ARHGEF3: variants seen among roughly 807,000 people sequenced by gnomAD.
ARHGEF3 encodes Rho guanine nucleotide exchange factor 3, also known as 59.8 kDA protein.
A neutral mutation model predicts 63.2 loss-of-function variants in ARHGEF3; 28 were observed. That is an observed-to-expected ratio of 0.44 (90% CI 0.33 to 0.61). The LOEUF is 0.61. ARHGEF3 is among the 20% of genes least tolerant of loss of function. The probability of loss-of-function intolerance (pLI) is 0.03; values close to 1 mark genes in which losing one functional copy is unlikely to be tolerated. For synonymous variants in ARHGEF3, 266 were observed against 254.2 expected, an observed-to-expected ratio of 1.05 and a Z score of -0.44; for missense variants, 533 against 659.3, an observed-to-expected ratio of 0.81 and a Z score of 2.10.
At chr3:56,811,705 C>A (rs1287216470) in intron 4 of ARHGEF3, among the ~76,000 whole-genome samples, 1 of 152,122 alleles carries the variant, frequency 6.6e-6, no homozygotes, top group Non-Finnish European at 1.5e-5. Context: ...CATGTGCCCA[C>A]AATTCTGATT....
At chr3:56,980,537 T>C (rs1490701545) in intron 2 of ARHGEF3, among the ~76,000 whole-genome samples, 1 of 152,184 alleles carries the variant, frequency 6.6e-6, no homozygotes. Context: ...GTGGGAATAA[T>C]CACGTTATCT....
chr3:56,897,935 C>T (rs2041362416), intron 3 of ARHGEF3, among the ~76,000 whole-genome samples: 1 of 152,040 alleles, frequency 6.6e-6, no homozygotes, highest in Admixed American at 6.5e-5. Flanking sequence ...TGCTGGAGTG[C>T]AGTGGTGGCA....
intron 2 of ARHGEF3, among the ~76,000 whole-genome samples, chr3:56,961,988 C>T (rs910098516): frequency 7.2e-5 from 11 of 152,142 alleles, no homozygotes; most frequent in African/African-American, 2.4e-4. Flanking sequence ...GAGGTTGCAA[C>T]GAGCTATGAT....
intron 3 of ARHGEF3, among the ~76,000 whole-genome samples, chr3:56,903,378 G>A (rs1020920107): frequency 2.0e-5 from 3 of 152,224 alleles, no homozygotes; most frequent in Non-Finnish European, 4.4e-5. Context: ...ATGTCTTACT[G>A]CTCAGTGTTC....
chr3:57,027,009 A>C (rs1342115904), intron 2 of ARHGEF3, among the ~76,000 whole-genome samples: 1 of 152,192 alleles, frequency 6.6e-6, no homozygotes, highest in East Asian at 1.9e-4. Flanking sequence ...CTATGTTAGA[A>C]ATTGTCACAG....
chr3:56,745,811 A>G (rs954331667), intron 6 of ARHGEF3, among the ~76,000 whole-genome samples: 1 of 152,140 alleles, frequency 6.6e-6, no homozygotes, highest in African/African-American at 2.4e-5. Context: ...AGCTGGGACT[A>G]CAGGCGCCCG....
In ARHGEF3 at chr3:56,875,234, G is replaced by A. The variant is rs980129202; in HGVS notation, c.192+7058C>T. On this transcript the variant is annotated intron_variant, in intron 4 of 12. Transcript: ENST00000338458. ...TAAATCAACAGTAGCTGCTCTTGTT[G>A]CTATGTATCTAATGAGTCTCTCACA... Among the ~76,000 whole-genome samples the A allele has an allele frequency of 4.7e-4, 71 of 152,272 alleles. 1 individual carries two copies. The highest frequency in any genetic ancestry group is 1.6e-3 in the African/African-American group (65 of 41,550).
At chr3:56,926,470 T>A (rs1282345784) in intron 3 of ARHGEF3, among the ~76,000 whole-genome samples, 1 of 152,242 alleles carries the variant, frequency 6.6e-6, no homozygotes, top group Non-Finnish European at 1.5e-5. Flanking sequence ...CAGATGCTTT[T>A]CCTATGTATT....
chr3:56,891,020 A>G (rs1029535630), intron 3 of ARHGEF3, among the ~76,000 whole-genome samples: 2 of 152,160 alleles, frequency 1.3e-5, no homozygotes, highest in Non-Finnish European at 2.9e-5. Context: ...AAAGATTAGC[A>G]AAAGGATTTT....
intron 9 of ARHGEF3, among the ~76,000 whole-genome samples, chr3:56,730,926 C>A (rs943579257): frequency 5.9e-5 from 9 of 152,150 alleles, no homozygotes; most frequent in Non-Finnish European, 1.2e-4. Context: ...TAGGCTCCAC[C>A]CTTTGATCTT....
intron 2 of ARHGEF3, among the ~76,000 whole-genome samples, chr3:56,992,945 T>C (rs1701823415): frequency 6.6e-6 from 1 of 152,204 alleles, no homozygotes; most frequent in South Asian, 2.1e-4. Flanking sequence ...GCGATTCTCC[T>C]GCCTCAGCCT....
At chr3:56,952,107 T>G (rs1390986811) in intron 3 of ARHGEF3, among the ~76,000 whole-genome samples, 1 of 151,994 alleles carries the variant, frequency 6.6e-6, no homozygotes, top group Non-Finnish European at 1.5e-5. Flanking sequence ...AATCATTGGC[T>G]TTTAGATCAT....
At chr3:56,752,570 G>T (rs1227906662) in intron 4 of ARHGEF3, among the ~76,000 whole-genome samples, 1 of 152,190 alleles carries the variant, frequency 6.6e-6, no homozygotes, top group African/African-American at 2.4e-5. Flanking sequence ...GGGTGGATAT[G>T]AATGGTTGAA....
intron 3 of ARHGEF3, among the ~76,000 whole-genome samples, chr3:56,939,301 G>A (rs1699060592): frequency 6.6e-6 from 1 of 152,174 alleles, no homozygotes; most frequent in African/African-American, 2.4e-5. Flanking sequence ...AAATAGGTAT[G>A]TTCCCTCAGT....
At chr3:56,869,473 C>T (rs536089915) in intron 4 of ARHGEF3, among the ~76,000 whole-genome samples, 3 of 152,364 alleles carry the variant, frequency 2.0e-5, no homozygotes, top group African/African-American at 2.4e-5. Context: ...CTGGTCACTT[C>T]ATTCTTTTAA....
At chr3:56,896,040 C>T (rs904875) in intron 3 of ARHGEF3, among the ~76,000 whole-genome samples, 122,148 of 152,168 alleles carry the variant, frequency 0.8, 49,544 homozygotes, top group African/African-American at 0.87. Flanking sequence ...TGGCCTGATG[C>T]CCTCTGGAGT....
chr3:56,774,604 A>C (rs1433693063), intron 1 of ARHGEF3, among the ~76,000 whole-genome samples: 1 of 152,212 alleles, frequency 6.6e-6, no homozygotes, highest in East Asian at 1.9e-4. Flanking sequence ...AATTACATAA[A>C]TAAAAATAAC....
intron 3 of ARHGEF3, among the ~76,000 whole-genome samples, chr3:56,951,793 T>C (rs1699825507): frequency 6.6e-6 from 1 of 151,926 alleles, no homozygotes; most frequent in African/African-American, 2.4e-5. Context: ...GAGGTGAATA[T>C]TGCAAATATT....
At chr3:56,877,618 TC>T (rs1403203858) in intron 4 of ARHGEF3, among the ~76,000 whole-genome samples, 10 of 152,136 alleles carry the variant, frequency 6.6e-5, no homozygotes, top group African/African-American at 2.4e-4. Context: ...AGTGATCCTC[TC>T]GCCTCGGCCT....
Sources: gnomAD v4.1 joint callset for allele counts (sites outside exome capture counted in the v4.1 genomes callset) on GRCh38, gnomAD v4.1.1 for gene constraint, MANE v1.5 for transcripts, NCBI Gene and HGNC (gene_info 2026-07-23, HGNC 2026-07-21) for gene names.